AGBL4: variants seen among roughly 807,000 people sequenced by gnomAD.
The protein encoded by AGBL4 is cytosolic carboxypeptidase 6.
Under a neutral mutation model 66.4 loss-of-function variants are expected in AGBL4, and 58 were observed. That is an observed-to-expected ratio of 0.87 (90% CI 0.71 to 1.09). The LOEUF is 1.09. Among genes scored for constraint, AGBL4 ranks in the 50% least tolerant of loss-of-function variants. The pLI is 0.00. For missense variants in AGBL4, 579 were observed against 631.0 expected, an observed-to-expected ratio of 0.92 and a Z score of 0.88; for synonymous variants, 234 against 222.9, an observed-to-expected ratio of 1.05 and a Z score of -0.44.
chr1:48,968,152 G>A (rs1254403429), intron 5 of AGBL4, among the ~76,000 whole-genome samples: 1 of 152,022 alleles, frequency 6.6e-6, no homozygotes, highest in Non-Finnish European at 1.5e-5. Flanking sequence ...GAGATAGCAG[G>A]AACTATCCCT....
chr1:49,614,042 T>C (rs1452349117), intron 3 of AGBL4, among the ~76,000 whole-genome samples: 1 of 152,242 alleles, frequency 6.6e-6, no homozygotes, highest in Non-Finnish European at 1.5e-5. Context: ...TGCTATGATC[T>C]TGACAAACAC....
At chr1:48,893,024 G>A (rs1300996356) in intron 5 of AGBL4, among the ~76,000 whole-genome samples, 1 of 152,144 alleles carries the variant, frequency 6.6e-6, no homozygotes, top group African/African-American at 2.4e-5. Flanking sequence ...ACAGAAAGGA[G>A]AAACCTTCTG....
chr1:48,816,741 A>G (rs1224066892), intron 6 of AGBL4, among the ~76,000 whole-genome samples: 1 of 152,188 alleles, frequency 6.6e-6, no homozygotes, highest in Non-Finnish European at 1.5e-5. Flanking sequence ...TTTGAACACC[A>G]ACTATGTGCC....
chr1:48,633,668 A>C (rs72681012), intron 9 of AGBL4, among the ~76,000 whole-genome samples: 8,738 of 152,284 alleles, frequency 0.057, 379 homozygotes, highest in South Asian at 0.15. Context: ...TCCACCTGAA[A>C]AAATGGTCTG....
rs1032036870 is a variant in AGBL4, at chr1:48,849,727, C to A, written c.634+17464G>T. ...GTGGCTCACGCCTGTAATCCCAGCA[C>A]TTTGGGAGGCCGAAGTGGACGAATC... On this transcript the variant is annotated intron_variant, in intron 6 of 13. Transcript: ENST00000371839. Among the ~76,000 whole-genome samples, 56 of 152,192 alleles carry A rather than the reference C, an allele frequency of 3.7e-4. 2 individuals carry two copies.
At chr1:49,875,060 G>A (rs915244569) in intron 1 of AGBL4, among the ~76,000 whole-genome samples, 7 of 146,628 alleles carry the variant, frequency 4.8e-5, no homozygotes, top group Non-Finnish European at 1.0e-4. Flanking sequence ...CCACCTATGA[G>A]TGAGAATATG....
intron 5 of AGBL4, among the ~76,000 whole-genome samples, chr1:48,995,495 A>C (rs1422984605): frequency 6.6e-6 from 1 of 152,270 alleles, no homozygotes; most frequent in Admixed American, 6.5e-5. Context: ...TCATTATAGC[A>C]GGAGAAGATT....
chr1:49,171,864 G>A (rs905861684), intron 4 of AGBL4, among the ~76,000 whole-genome samples: 2 of 152,104 alleles, frequency 1.3e-5, no homozygotes, highest in African/African-American at 4.8e-5. Flanking sequence ...TATACCATGG[G>A]CAGATACTAG....
At chr1:49,785,940 C>T (rs1324067889) in intron 2 of AGBL4, among the ~76,000 whole-genome samples, 3 of 149,546 alleles carry the variant, frequency 2.0e-5, no homozygotes, top group African/African-American at 4.9e-5. Flanking sequence ...GACCCACCTA[C>T]GTTATGGGAA....
At chr1:49,275,283 A>G (rs2148394214) in intron 3 of AGBL4, among the ~76,000 whole-genome samples, 1 of 152,264 alleles carries the variant, frequency 6.6e-6, no homozygotes, top group South Asian at 2.1e-4. Flanking sequence ...GGAAAATAAA[A>G]TATATCACTT....
At chr1:49,997,364 A>C (rs1660443691) in intron 1 of AGBL4, among the ~76,000 whole-genome samples, 1 of 152,210 alleles carries the variant, frequency 6.6e-6, no homozygotes, top group Non-Finnish European at 1.5e-5. Context: ...ATGGAAAAAC[A>C]TATTCCTTGC....
At position 49,045,197 on chromosome 1, in the gene AGBL4, G is replaced by T. The variant is rs558853639; in HGVS notation, c.594+387C>A. Among the ~76,000 whole-genome samples, 4 of 152,262 alleles carry T rather than the reference G, an allele frequency of 2.6e-5. No homozygotes were observed. The East Asian group carries it at 7.7e-4, about 29-fold the overall frequency. On this transcript the variant is annotated intron_variant, in intron 5 of 13. Transcript: ENST00000371839. ...TAAGAAATGTATTCTTCCTATCAGA[G>T]GCTCACAGTAATAAAATGCTTTCAT...
intron 9 of AGBL4, among the ~76,000 whole-genome samples, chr1:48,622,204 G>T (rs1192005209): frequency 6.6e-6 from 1 of 152,072 alleles, no homozygotes; most frequent in East Asian, 1.9e-4. Flanking sequence ...CACATATGCT[G>T]CTTCCCCTGC....
intron 4 of AGBL4, among the ~76,000 whole-genome samples, chr1:49,243,444 A>G (rs1286015943): frequency 6.6e-6 from 1 of 151,702 alleles, no homozygotes; most frequent in Non-Finnish European, 1.5e-5. Flanking sequence ...GGCTGCTGGG[A>G]GATAGGCTTG....
chr1:49,603,539 TA>T (rs1353042852), intron 3 of AGBL4, among the ~76,000 whole-genome samples: 2 of 137,790 alleles, frequency 1.5e-5, no homozygotes, highest in African/African-American at 2.6e-5. Flanking sequence ...AATAAATAAA[TA>T]AATAAATAAA....
intron 2 of AGBL4, among the ~76,000 whole-genome samples, chr1:49,764,157 T>C (rs949940651): frequency 6.6e-6 from 1 of 152,140 alleles, no homozygotes; most frequent in South Asian, 2.1e-4. Context: ...ACAACACGCA[T>C]TCCTCTGGAG....
At chr1:48,748,071 G>T (rs532132137) in intron 6 of AGBL4, among the ~76,000 whole-genome samples, 1 of 152,284 alleles carries the variant, frequency 6.6e-6, no homozygotes, top group Admixed American at 6.5e-5. Flanking sequence ...AACATCTGCT[G>T]TGGCACACAG....
chr1:48,742,796 G>A, intron 6 of AGBL4: 1 of 1,509,274 alleles, frequency 6.6e-7, no homozygotes, highest in Non-Finnish European at 8.9e-7. Flanking sequence ...AAAGAAATCT[G>A]TCTAGAACTC....
intron 3 of AGBL4, among the ~76,000 whole-genome samples, chr1:49,317,751 T>C (rs1645065552): frequency 6.6e-6 from 1 of 151,968 alleles, no homozygotes; most frequent in Non-Finnish European, 1.5e-5. Flanking sequence ...GAGGAGACAT[T>C]TGAAACACCC....
Sources: allele counts gnomAD v4.1 joint callset (sites outside exome capture counted in the v4.1 genomes callset), GRCh38; gene constraint gnomAD v4.1.1; transcripts MANE v1.5; gene names NCBI Gene and HGNC (gene_info 2026-07-23, HGNC 2026-07-21).